The following CARMIL1 variants were observed in gnomAD, a reference collection of about 807,000 sequenced individuals.
The protein encoded by CARMIL1 is F-actin-uncapping protein LRRC16A.
In CARMIL1, 90 loss-of-function variants were observed where a neutral mutation model predicts 177.1. That is an observed-to-expected ratio of 0.51 (90% CI 0.43 to 0.61). The LOEUF (loss-of-function observed/expected upper bound fraction) is 0.61, where lower values mean the gene tolerates loss of function less well. CARMIL1 is among the 20% of genes least tolerant of loss of function. The pLI, the probability that CARMIL1 is intolerant of heterozygous loss-of-function variation, is 0.00. For missense variants in CARMIL1, 1,380 were observed against 1,667.0 expected (o/e 0.83, Z 3.00); for synonymous variants, 577 against 606.2 (o/e 0.95, Z 0.71).
intron 29 of CARMIL1, among the ~76,000 whole-genome samples, chr6:25,559,838 C>T (rs1810951305): frequency 6.6e-6 from 1 of 152,094 alleles, no homozygotes; most frequent in African/African-American, 2.4e-5. Flanking sequence ...TGTCCCCTGC[C>T]CCTGGATTTC....
At position 25,510,620 on chromosome 6, in the gene CARMIL1, ATTT is replaced by A; in HGVS notation, c.1577+19_1577+21del. The A allele has an allele frequency of 6.5e-7, 1 of 1,526,910 alleles. No individual in the cohort carries two copies. Among genetic ancestry groups the A allele is most frequent in the Non-Finnish European group, 8.9e-7 (1 of 1,126,590 alleles). The allele number at this position is 1,526,910 out of a possible 1,614,324, so 94.6% of individuals were successfully genotyped here. A position where few individuals can be genotyped will look rare whatever the true frequency, so the allele number is the denominator to read the frequency against. Reference sequence around the variant, plus strand: ...TATGAAATCCAAGTAAGAGTTTTGAATTTTTTTATATGACAATGATGAAAATAA... The same window carrying A: ...TATGAAATCCAAGTAAGAGTTTTGAATTTTATATGACAATGATGAAAATAA... On this transcript the variant is annotated intron_variant, in intron 19 of 36. Coordinates refer to ENST00000329474, the MANE Select transcript of CARMIL1 (RefSeq NM_017640.6).
chr6:25,609,909 C>T, intron 35 of CARMIL1, 141 bp from the exon 36 acceptor site: 3 of 963,836 alleles, frequency 3.1e-6, no homozygotes, highest in Admixed American at 2.8e-5. Flanking sequence ...AGCAAAAACA[C>T]AAAACTAATT....
At chr6:25,564,748 C>T (rs1162054911) in intron 29 of CARMIL1, among the ~76,000 whole-genome samples, 1 of 151,972 alleles carries the variant, frequency 6.6e-6, no homozygotes, top group Non-Finnish European at 1.5e-5. Flanking sequence ...ATTCTGGCTT[C>T]ATTTTTTTCT....
intron 29 of CARMIL1, among the ~76,000 whole-genome samples, chr6:25,573,340 T>G (rs1431519803): frequency 6.6e-6 from 1 of 152,152 alleles, no homozygotes; most frequent in African/African-American, 2.4e-5. Context: ...ACTTTTCATG[T>G]TAAAGGATGC....
intron 4 of CARMIL1, among the ~76,000 whole-genome samples, chr6:25,431,746 T>C (rs1007065824): frequency 1.8e-4 from 28 of 152,184 alleles, no homozygotes; most frequent in Admixed American, 7.9e-4. Flanking sequence ...ACCACACTTG[T>C]AGTCTTGCCC....
chr6:25,291,309 T>G (rs1581460994), intron 2 of CARMIL1, among the ~76,000 whole-genome samples: 1 of 152,190 alleles, frequency 6.6e-6, no homozygotes, highest in African/African-American at 2.4e-5. Context: ...ATAAACTCTA[T>G]TCCACCTGCT....
rs191134230 is a variant in CARMIL1 at position 25,338,085 on chromosome 6, C to T, written c.138+53176C>T. The stretch of plus-strand genomic sequence containing the variant: ...CAGCCTGGCCAACATGGCGAAACCC[C>T]GTCTCTACCGAAAATACAAAAATTA... On this transcript the variant is annotated intron_variant, in intron 2 of 36. Coordinates refer to ENST00000329474, the MANE Select transcript of CARMIL1 (RefSeq NM_017640.6). Among the ~76,000 whole-genome samples, 46 of 152,040 alleles carry T rather than the reference C, an allele frequency of 3.0e-4. No homozygotes were observed. In the East Asian group the frequency reaches 4.9e-3, roughly 16 times the overall value.
Position 25,449,988 on chromosome 6 carries a change from C to T in CARMIL1, c.462C>T (p.Gly154=). 5.0e-6 allele frequency: 8 copies of T among 1,602,018 alleles called. No individual in the cohort carries two copies. The highest frequency in any genetic ancestry group is 6.8e-6 in the Non-Finnish European group (8 of 1,174,980). Reference sequence around the variant, plus strand: ...ACAGCCAGACCGTGGCTGAGCAGGGCCCCTGTGGTGAGCATGCATTTTAAA... The same window carrying T: ...ACAGCCAGACCGTGGCTGAGCAGGGTCCCTGTGGTGAGCATGCATTTTAAA... ...LWDSQTVAEQ[G]PCGGFSQMYA... The change falls in exon 6 of 37, where the codon GGC becomes GGT. Residue 154 remains glycine (G), a synonymous_variant. Transcript: ENST00000329474.
intron 8 of CARMIL1, among the ~76,000 whole-genome samples, chr6:25,459,209 T>TG (rs1327148481): frequency 7.1e-6 from 1 of 140,980 alleles, no homozygotes; most frequent in African/African-American, 2.6e-5. Context: ...GGATCCCAAC[T>TG]TTTTCTTTCT....
intron 4 of CARMIL1, among the ~76,000 whole-genome samples, chr6:25,433,544 G>A (rs1796989165): frequency 6.6e-6 from 1 of 152,204 alleles, no homozygotes; most frequent in African/African-American, 2.4e-5. Flanking sequence ...CTACTGGGTT[G>A]TTTAGCCTCC....
At chr6:25,450,543 A>T (rs1186346388) in intron 7 of CARMIL1, 95 bp from the exon 8 acceptor site, 1 of 1,084,826 alleles carries the variant, frequency 9.2e-7, no homozygotes, top group African/African-American at 1.6e-5. Context: ...ATTACATAAA[A>T]ACCTGCCATT....
At chr6:25,368,597 T>G (rs1029787171) in intron 2 of CARMIL1, among the ~76,000 whole-genome samples, 2 of 152,312 alleles carry the variant, frequency 1.3e-5, no homozygotes, top group African/African-American at 2.4e-5. Context: ...CCCAGATGAT[T>G]ATGATATAAC....
chr6:25,586,673 TTGAG>T (rs1813743137), intron 31 of CARMIL1, among the ~76,000 whole-genome samples: 1 of 151,752 alleles, frequency 6.6e-6, no homozygotes, highest in African/African-American at 2.4e-5. Context: ...ACATTGAGCA[TTGAG>T]TGAGCGAGAC....
chr6:25,406,783 G>A (rs1188711405), intron 2 of CARMIL1, among the ~76,000 whole-genome samples: 1 of 152,158 alleles, frequency 6.6e-6, no homozygotes, highest in Admixed American at 6.5e-5. Context: ...TGGTTTAGTT[G>A]TTGACATGCT....
At chr6:25,345,831 G>C (rs1562013851) in intron 2 of CARMIL1, among the ~76,000 whole-genome samples, 2 of 152,100 alleles carry the variant, frequency 1.3e-5, no homozygotes, top group Admixed American at 1.3e-4. Flanking sequence ...TGGCTAGGCT[G>C]GTCTCAAACT....
intron 26 of CARMIL1, among the ~76,000 whole-genome samples, chr6:25,549,291 A>C (rs1809829880): frequency 1.3e-5 from 2 of 152,188 alleles, no homozygotes; most frequent in African/African-American, 4.8e-5. Context: ...ACCTTTCAGA[A>C]AGTAACTGAT....
intron 2 of CARMIL1, among the ~76,000 whole-genome samples, chr6:25,299,170 C>CTT (rs565622591): frequency 5.1e-5 from 6 of 118,064 alleles, no homozygotes; most frequent in Admixed American, 8.5e-5. Flanking sequence ...ATGCTGGATT[C>CTT]TTTTTTTTTT....
intron 2 of CARMIL1, among the ~76,000 whole-genome samples, chr6:25,345,102 A>G (rs1330064596): frequency 6.6e-6 from 1 of 152,096 alleles, no homozygotes; most frequent in Non-Finnish European, 1.5e-5. Flanking sequence ...ACCGTACTTC[A>G]CTGGCATTGT....
chr6:25,331,881 A>G (rs1171058359), intron 2 of CARMIL1, among the ~76,000 whole-genome samples: 2 of 152,256 alleles, frequency 1.3e-5, no homozygotes, highest in Admixed American at 6.5e-5. Context: ...GGACCTATGA[A>G]TACTTGTTAA....
Sources: allele counts gnomAD v4.1 joint callset (sites outside exome capture counted in the v4.1 genomes callset), GRCh38; gene constraint gnomAD v4.1.1; transcripts MANE v1.5; gene names NCBI Gene and HGNC (gene_info 2026-07-23, HGNC 2026-07-21).